CACNA1I: variants seen among roughly 807,000 people sequenced by gnomAD.
CACNA1I encodes voltage-dependent T-type calcium channel subunit alpha-1I.
CACNA1I carries 74 observed loss-of-function variants against 201.6 expected under a neutral mutation model. The observed-to-expected ratio is 0.37, with a 90% CI of 0.30 to 0.45. CACNA1I has a LOEUF of 0.45. CACNA1I is among the 20% of genes least tolerant of loss of function. The pLI, the probability that CACNA1I is intolerant of heterozygous loss-of-function variation, is 1.00. For synonymous variants in CACNA1I, 1,431 were observed against 1,345.2 expected, an observed-to-expected ratio of 1.06 and a Z score of -1.40; for missense variants, 2,346 against 3,138.1, an observed-to-expected ratio of 0.75 and a Z score of 6.03.
chr22:39,665,649 G>A lies in CACNA1I; in HGVS notation c.3978+25G>A, dbSNP rs1428966816. The A allele has an allele frequency of 1.2e-6, 2 of 1,608,014 alleles. No homozygotes were observed. Among genetic ancestry groups the A allele is most frequent in the East Asian group, 2.2e-5 (1 of 44,694 alleles). On this transcript the variant is annotated intron_variant, in intron 22 of 36. Transcript: ENST00000402142. This position sits in a 1 kb window ranked among gnomAD's most constrained non-coding sequence, Gnocchi z 5.5. ...GGTGAGGGGTGCCCAGTCTGGGCAG[G>A]GACTGGGCTCTGTGACTGGGGAAAA...
rs973917370 is a variant in CACNA1I at position 39,629,839 on chromosome 22, G to T, written c.581-4726G>T. Among the ~76,000 whole-genome samples, 1 of 152,148 alleles carries T rather than the reference G, an allele frequency of 6.6e-6. No homozygotes were observed. Among genetic ancestry groups the T allele is most frequent in the African/African-American group, 2.4e-5 (1 of 41,416 alleles). On this transcript the variant is annotated intron_variant, in intron 4 of 36. Transcript: ENST00000402142. The surrounding 1 kb of genome is among the most constrained non-coding windows in gnomAD (Gnocchi z 4.8). ...CTGCACAGGATCCTGCAGACTGTGC[G>T]GCTGATGCTCTCTCTCCTCTGCCCT... is the stretch of plus-strand genomic sequence containing the variant.
intron 1 of CACNA1I, among the ~76,000 whole-genome samples, chr22:39,597,755 A>C (rs1932923238): frequency 6.6e-6 from 1 of 152,220 alleles, no homozygotes; most frequent in Non-Finnish European, 1.5e-5. Context: ...AACATGGGTC[A>C]GGGGAGGGAA....
At chr22:39,670,579 G>A (rs906515117) in intron 25 of CACNA1I, among the ~76,000 whole-genome samples, 12 of 152,224 alleles carry the variant, frequency 7.9e-5, no homozygotes, top group Non-Finnish European at 1.5e-4. Flanking sequence ...GGTAGATGGA[G>A]AGAATGAATG....
At chr22:39,591,018 A>ATTT (rs1176086064) in intron 1 of CACNA1I, among the ~76,000 whole-genome samples, 48 of 147,092 alleles carry the variant, frequency 3.3e-4, no homozygotes, top group African/African-American at 1.2e-3. Flanking sequence ...TAATTAAAAA[A>ATTT]TTTTTTTTTT....
At chr22:39,680,424 G>A (rs1055015285) in intron 33 of CACNA1I, among the ~76,000 whole-genome samples, 1 of 152,136 alleles carries the variant, frequency 6.6e-6, no homozygotes, top group Non-Finnish European at 1.5e-5. Context: ...CCAGCCTCAG[G>A]TGGCTGCAGG....
chr22:39,571,563 C>T (rs1475187910), intron 1 of CACNA1I, among the ~76,000 whole-genome samples: 1 of 152,170 alleles, frequency 6.6e-6, no homozygotes, highest in African/African-American at 2.4e-5. Flanking sequence ...TCCAACCCAT[C>T]AGGGCCTGTG....
chr22:39,591,223 G>A (rs1348213111), intron 1 of CACNA1I, among the ~76,000 whole-genome samples: 2 of 148,616 alleles, frequency 1.3e-5, no homozygotes, highest in South Asian at 2.1e-4. Context: ...GCAATGGCGC[G>A]ATCTCAGCTC....
At chr22:39,578,298 G>A (rs902017675) in intron 1 of CACNA1I, among the ~76,000 whole-genome samples, 2 of 152,068 alleles carry the variant, frequency 1.3e-5, no homozygotes. Context: ...CAGGGCCTCA[G>A]GCCTCTGGAT....
intron 33 of CACNA1I, among the ~76,000 whole-genome samples, 171 bp from the exon 34 acceptor site, chr22:39,680,759 G>A (rs905543378): frequency 5.3e-5 from 8 of 152,092 alleles, no homozygotes; most frequent in African/African-American, 1.9e-4. Flanking sequence ...TGTCACCCAG[G>A]CTGGGCCCCT....
chr22:39,671,475 C>T (rs923919488), intron 26 of CACNA1I, among the ~76,000 whole-genome samples: 13 of 151,942 alleles, frequency 8.6e-5, no homozygotes, highest in Non-Finnish European at 1.3e-4. Context: ...TATATGGAGA[C>T]GAGGCAAAAG....
intron 10 of CACNA1I, chr22:39,656,379 T>G (rs1464267125): frequency 3.9e-6 from 2 of 518,810 alleles, no homozygotes; most frequent in Non-Finnish European, 7.7e-6. Context: ...CTCTGCTCCC[T>G]GGCGCCAGCT....
Position 39,673,950 on chromosome 22 carries a change from G to C in CACNA1I, c.4784-13G>C, listed in dbSNP as rs1414608439. 6.2e-7 allele frequency: 1 copy of C among 1,611,758 alleles called. No homozygotes were observed. The highest frequency in any genetic ancestry group is 8.5e-7 in the Non-Finnish European group (1 of 1,179,738). ...CCTGGGGCTGAGTGGGCAGGGCTGG[G>C]TCTCGCCCGCAGTGCTGAAGCTGTT... On this transcript the variant is annotated splice_polypyrimidine_tract_variant and intron_variant, in intron 28 of 36. Transcript: ENST00000402142.
intron 18 of CACNA1I, among the ~76,000 whole-genome samples, chr22:39,663,223 G>C (rs187348927): frequency 6.6e-6 from 1 of 152,240 alleles, no homozygotes; most frequent in Non-Finnish European, 1.5e-5. Flanking sequence ...GGCCATCCCT[G>C]TGCTGGGCAC....
chr22:39,602,010 TTCCTTCCC>T (rs200525331), intron 3 of CACNA1I, among the ~76,000 whole-genome samples: 1 of 3,344 alleles, frequency 3.0e-4, no homozygotes, highest in African/African-American at 1.2e-3. Context: ...CCCTCCTTCC[TTCCTTCCC>T]TCCTTCCTTC....
At chr22:39,577,961 G>A (rs533457451) in intron 1 of CACNA1I, among the ~76,000 whole-genome samples, 1 of 152,232 alleles carries the variant, frequency 6.6e-6, no homozygotes, top group South Asian at 2.1e-4. Context: ...TATTAAGGGG[G>A]ATCCAATGAG....
chr22:39,653,683 G>T (rs1367294893), intron 10 of CACNA1I, among the ~76,000 whole-genome samples: 1 of 152,226 alleles, frequency 6.6e-6, no homozygotes, highest in East Asian at 1.9e-4. Flanking sequence ...TCTGTGAAGT[G>T]GGGCAGAGTG....
In CACNA1I at chr22:39,676,869, CA is replaced by C. The variant is rs1935527180; in HGVS notation, c.4855-471del. 6.6e-6 allele frequency among the ~76,000 whole-genome samples: 1 copy of C among 152,208 alleles called. No homozygotes were observed. Among genetic ancestry groups the C allele is most frequent in the Admixed American group, 6.5e-5 (1 of 15,280 alleles). ...TCTCCCTTCCCTTCGTTCATCCATC[CA>C]TTCAACCTTGGTAGCCACTCAAGGC... On this transcript the variant is annotated intron_variant, in intron 29 of 36. Coordinates refer to ENST00000402142, the MANE Select transcript of CACNA1I (RefSeq NM_021096.4). This position sits in a 1 kb window ranked among gnomAD's most constrained non-coding sequence, Gnocchi z 4.8.
At position 39,648,316 on chromosome 22, in the gene CACNA1I, G is replaced by A. The variant is rs368607879; in HGVS notation, c.1567+390G>A. ...GCATGCGGACACAGGAGCTGGGGCC[G>A]GGCAAGGCTGGCACTGGTGTTGCTG... On this transcript the variant is annotated intron_variant, in intron 9 of 36. Transcript: ENST00000402142. The surrounding 1 kb of genome is among the most constrained non-coding windows in gnomAD (Gnocchi z 5.4). Among the ~76,000 whole-genome samples the A allele has an allele frequency of 1.4e-3, 215 of 152,292 alleles. 1 individual carries two copies. The highest frequency in any genetic ancestry group is 4.5e-3 in the African/African-American group (186 of 41,572).
rs549859110 is a variant in CACNA1I at position 39,676,806 on chromosome 22, C to T, written c.4855-535C>T. ...AGGGATAAGTGCATTTCGGTGGTTTCGTAGAGGAGCTAGTGTTAGAGCTGA... is the reference window on the plus strand; with the variant it reads ...AGGGATAAGTGCATTTCGGTGGTTTTGTAGAGGAGCTAGTGTTAGAGCTGA... On this transcript the variant is annotated intron_variant, in intron 29 of 36. Coordinates refer to ENST00000402142, the MANE Select transcript of CACNA1I (RefSeq NM_021096.4). This position sits in a 1 kb window ranked among gnomAD's most constrained non-coding sequence, Gnocchi z 4.8. Among the ~76,000 whole-genome samples, 5 of 152,306 alleles carry T rather than the reference C, an allele frequency of 3.3e-5. No individual in the cohort carries two copies. The highest frequency in any genetic ancestry group is 1.9e-4 in the East Asian group (1 of 5,184).
Sources: gnomAD v4.1 joint callset for allele counts (sites outside exome capture counted in the v4.1 genomes callset) on GRCh38, gnomAD v4.1.1 for gene constraint, Gnocchi (gnomAD v3.1) non-coding constraint, MANE v1.5 for transcripts, NCBI Gene and HGNC (gene_info 2026-07-23, HGNC 2026-07-21) for gene names.